MYO16: variants seen among roughly 807,000 people sequenced by gnomAD.
The protein encoded by MYO16 is unconventional myosin-XVI.
A neutral mutation model predicts 205.3 loss-of-function variants in MYO16; 94 were observed. That is an observed-to-expected ratio of 0.46 (90% CI 0.39 to 0.54). The LOEUF (loss-of-function observed/expected upper bound fraction) is 0.54, where lower values mean the gene tolerates loss of function less well. Ranked by LOEUF, MYO16 falls within the 20% of genes least tolerant of loss-of-function variation. MYO16 has a pLI of 0.00. For synonymous variants in MYO16, 988 were observed against 954.0 expected (o/e 1.04, Z -0.66); for missense variants, 2,315 against 2,387.5 (o/e 0.97, Z 0.63).
chr13:108,568,414 T>G, the MYO16 span, among the ~76,000 whole-genome samples: 1 of 152,156 alleles, frequency 6.6e-6, no homozygotes, highest in African/African-American at 2.4e-5. Context: ...TATCTCATTG[T>G]GGTTGTACTT....
chr13:108,678,891 G>T (rs1882340051), intron 2 of MYO16, among the ~76,000 whole-genome samples: 1 of 152,150 alleles, frequency 6.6e-6, no homozygotes, highest in Non-Finnish European at 1.5e-5. Flanking sequence ...GGAAGTCCAA[G>T]GTCGGGGGTC....
intron 27 of MYO16, among the ~76,000 whole-genome samples, chr13:109,093,742 C>G (rs1298243632): frequency 6.6e-6 from 1 of 152,110 alleles, no homozygotes; most frequent in African/African-American, 2.4e-5. Flanking sequence ...ACGTTTTTAC[C>G]TCTTCCGTCG....
chr13:108,967,274 G>A (rs533016669), intron 20 of MYO16, among the ~76,000 whole-genome samples: 1 of 152,170 alleles, frequency 6.6e-6, no homozygotes, highest in South Asian at 2.1e-4. Flanking sequence ...TGAAGCAGGT[G>A]AATGTCTATT....
At chr13:109,040,975 G>A (rs1886866939) in intron 23 of MYO16, among the ~76,000 whole-genome samples, 1 of 152,074 alleles carries the variant, frequency 6.6e-6, no homozygotes, top group Non-Finnish European at 1.5e-5. Flanking sequence ...CATAAAAAAA[G>A]AAAGGAAAGA....
intron 27 of MYO16, among the ~76,000 whole-genome samples, chr13:109,096,731 GAT>G (rs879332976): frequency 0.78 from 118,576 of 151,546 alleles, 46,564 homozygotes; most frequent in Middle Eastern, 0.87. Flanking sequence ...AATGTACAAA[GAT>G]GTCCCCTTAC....
intron 2 of MYO16, among the ~76,000 whole-genome samples, chr13:108,689,354 A>G (rs867687498): frequency 1.3e-5 from 2 of 152,238 alleles, no homozygotes; most frequent in Middle Eastern, 3.5e-3. Flanking sequence ...GCTACATTAA[A>G]TAACTGTACA....
chr13:108,602,239 G>C (rs995938351), intron 1 of MYO16, among the ~76,000 whole-genome samples: 2 of 151,982 alleles, frequency 1.3e-5, no homozygotes, highest in African/African-American at 4.8e-5. Context: ...GTGGCCTCAG[G>C]CATTCTCTTT....
At chr13:108,898,309 A>G (rs1402937639) in intron 15 of MYO16, among the ~76,000 whole-genome samples, 176 bp downstream of exon 15, 1 of 150,952 alleles carries the variant, frequency 6.6e-6, no homozygotes, top group African/African-American at 2.4e-5. Flanking sequence ...GTATTACATT[A>G]GAACAAGGAT....
chr13:108,999,283 T>C (rs1173021715), intron 21 of MYO16, among the ~76,000 whole-genome samples: 1 of 152,264 alleles, frequency 6.6e-6, no homozygotes, highest in Non-Finnish European at 1.5e-5. Context: ...ATCATACATG[T>C]GTTAAATATC....
chr13:108,846,736 A>G (rs1353727117), intron 10 of MYO16, among the ~76,000 whole-genome samples: 1 of 152,120 alleles, frequency 6.6e-6, no homozygotes, highest in Non-Finnish European at 1.5e-5. Flanking sequence ...GAGAAATTAA[A>G]GATAACTTTA....
chr13:108,809,038 G>T (rs765295674), intron 7 of MYO16, among the ~76,000 whole-genome samples: 1 of 152,140 alleles, frequency 6.6e-6, no homozygotes, highest in African/African-American at 2.4e-5. Context: ...TTTAAAATCT[G>T]TTCTTTCAAA....
chr13:108,769,286 G>T (rs1248924979), intron 4 of MYO16, among the ~76,000 whole-genome samples: 1 of 152,164 alleles, frequency 6.6e-6, no homozygotes, highest in Non-Finnish European at 1.5e-5. Context: ...ACCAGGATGG[G>T]CCAGAGAGGT....
At chr13:108,647,468 C>G (rs1880805654) in intron 1 of MYO16, among the ~76,000 whole-genome samples, 1 of 152,078 alleles carries the variant, frequency 6.6e-6, no homozygotes, top group South Asian at 2.1e-4. Context: ...TGTGGAGATT[C>G]CAATTCTTGT....
At chr13:108,994,035 C>G (rs185305679) in intron 21 of MYO16, among the ~76,000 whole-genome samples, 9 of 152,206 alleles carry the variant, frequency 5.9e-5, no homozygotes, top group African/African-American at 1.9e-4. Flanking sequence ...ATAGAGTGTC[C>G]TAATGATGAA....
At chr13:109,155,492 AC>A (rs1877964479) in intron 32 of MYO16, among the ~76,000 whole-genome samples, 1 of 152,136 alleles carries the variant, frequency 6.6e-6, no homozygotes, top group East Asian at 1.9e-4. Context: ...AGCACACGCA[AC>A]CTTTCCAAGG....
the MYO16 span, among the ~76,000 whole-genome samples, chr13:108,533,188 T>C: frequency 6.6e-6 from 1 of 152,164 alleles, no homozygotes; most frequent in African/African-American, 2.4e-5. Context: ...ACATAGCTAG[T>C]AGCAACCTGT....
chr13:108,830,990 T>A (rs1876589198), intron 9 of MYO16, among the ~76,000 whole-genome samples: 1 of 152,200 alleles, frequency 6.6e-6, no homozygotes, highest in Admixed American at 6.5e-5. Context: ...TTATTACAAA[T>A]TCAAATTCAG....
At position 108,665,959 on chromosome 13, in the gene MYO16, C is replaced by T. The variant is rs753386969; in HGVS notation, c.102C>T (p.Pro34=). ...ACCAGTGCTTGCTAGAGTCCCTTCC[C>T]CTTGGCCAACGGCAGCGTCTAGTGA... ...EIDQCLLESL[P]LGQRQRLVKR... is the part of the protein sequence containing the mutation. Residue 34 remains proline (P), a synonymous_variant, in exon 2 of 35, where the codon CCC becomes CCT. Coordinates refer to ENST00000457511, the MANE Select transcript of MYO16 (RefSeq NM_001198950.3). The T allele has an allele frequency of 5.0e-6, 8 of 1,614,120 alleles. No individual in the cohort carries two copies. The highest frequency in any genetic ancestry group is 1.1e-5 in the South Asian group (1 of 91,088).
the MYO16 span, among the ~76,000 whole-genome samples, chr13:108,575,062 C>T: frequency 6.6e-6 from 1 of 152,184 alleles, no homozygotes; most frequent in East Asian, 1.9e-4. Context: ...TGTACTCACA[C>T]ATTCCAGTGT....
Sources: gnomAD v4.1 joint callset for allele counts (sites outside exome capture counted in the v4.1 genomes callset) on GRCh38, gnomAD v4.1.1 for gene constraint, MANE v1.5 for transcripts, NCBI Gene and HGNC (gene_info 2026-07-23, HGNC 2026-07-21) for gene names.